Variants in ATP8A2 observed in about 807,000 individuals in gnomAD.
ATP8A2 encodes ATPase phospholipid transporting 8A2.
ATP8A2 carries 100 observed loss-of-function variants against 165.6 expected under a neutral mutation model. That is an observed-to-expected ratio of 0.60 (90% CI 0.51 to 0.71). The LOEUF is 0.71. Among genes scored for constraint, ATP8A2 ranks in the 30% least tolerant of loss-of-function variants. The pLI is 0.00. For synonymous variants in ATP8A2, 543 were observed against 548.8 expected (o/e 0.99, Z 0.15); for missense variants, 1,227 against 1,479.5 (o/e 0.83, Z 2.80).
intron 35 of ATP8A2, among the ~76,000 whole-genome samples, chr13:26,010,975 T>A (rs758254342): frequency 1.3e-5 from 2 of 152,046 alleles, no homozygotes; most frequent in Non-Finnish European, 2.9e-5. Flanking sequence ...AGGGCCCCAC[T>A]CCTCTTTCGA....
At chr13:25,914,544 A>G (rs1384199073) in intron 33 of ATP8A2, among the ~76,000 whole-genome samples, 2 of 152,102 alleles carry the variant, frequency 1.3e-5, no homozygotes, top group Non-Finnish European at 2.9e-5. Flanking sequence ...CTACACATCC[A>G]TCTGTTTCCA....
chr13:25,488,018 TC>T (rs912799836), intron 2 of ATP8A2, among the ~76,000 whole-genome samples: 51 of 152,264 alleles, frequency 3.3e-4, no homozygotes, highest in African/African-American at 1.2e-3. Context: ...GAAACACACT[TC>T]CCTAGAAAGC....
chr13:25,866,727 A>T (rs1480928679), intron 33 of ATP8A2, among the ~76,000 whole-genome samples: 3 of 152,244 alleles, frequency 2.0e-5, no homozygotes, highest in Non-Finnish European at 4.4e-5. Flanking sequence ...TGTGAGCTTC[A>T]GTAAATCTCC....
chr13:25,958,335 C>A (rs7338795), intron 33 of ATP8A2, among the ~76,000 whole-genome samples: 34,007 of 152,016 alleles, frequency 0.22, 3,963 homozygotes, highest in South Asian at 0.41. Context: ...TAGTTTGTCA[C>A]CACATTCGTG....
intron 25 of ATP8A2, among the ~76,000 whole-genome samples, chr13:25,766,480 G>A (rs187783389): frequency 5.9e-5 from 9 of 152,190 alleles, no homozygotes; most frequent in African/African-American, 1.7e-4. Context: ...CCTGTTGAGC[G>A]CTGCACGACT....
At chr13:25,403,122 C>T (rs570374620) in intron 1 of ATP8A2, among the ~76,000 whole-genome samples, 7 of 152,266 alleles carry the variant, frequency 4.6e-5, no homozygotes, top group South Asian at 2.1e-4. Flanking sequence ...CATTTCAATA[C>T]GAACTGTGGA....
chr13:25,870,253 CCT>C (rs1952638300), intron 33 of ATP8A2, among the ~76,000 whole-genome samples: 1 of 152,194 alleles, frequency 6.6e-6, no homozygotes, highest in Non-Finnish European at 1.5e-5. Context: ...CGTCCAGCCA[CCT>C]CTGTGTCTGC....
At chr13:25,870,960 C>T (rs1315003929) in intron 33 of ATP8A2, among the ~76,000 whole-genome samples, 1 of 152,090 alleles carries the variant, frequency 6.6e-6, no homozygotes, top group Admixed American at 6.5e-5. Context: ...TTATTTTTTA[C>T]GTTCATTATA....
chr13:25,931,523 C>G (rs1358733445), intron 33 of ATP8A2, among the ~76,000 whole-genome samples: 1 of 152,116 alleles, frequency 6.6e-6, no homozygotes, highest in Non-Finnish European at 1.5e-5. Flanking sequence ...TCATCCCCCA[C>G]CCCCCTCGAC....
intron 33 of ATP8A2, among the ~76,000 whole-genome samples, chr13:25,906,342 G>T (rs1434398181): frequency 6.9e-6 from 1 of 145,638 alleles, no homozygotes; most frequent in Non-Finnish European, 1.5e-5. Flanking sequence ...CTACAAACTT[G>T]ACCTTTCTGA....
intron 33 of ATP8A2, among the ~76,000 whole-genome samples, chr13:25,870,684 G>T (rs1014557454): frequency 3.3e-5 from 5 of 152,168 alleles, no homozygotes; most frequent in Admixed American, 6.5e-5. Flanking sequence ...GAGTCGGTTG[G>T]ACTCCAAGCT....
At chr13:25,829,476 C>G (rs921135430) in intron 28 of ATP8A2, among the ~76,000 whole-genome samples, 1 of 151,656 alleles carries the variant, frequency 6.6e-6, no homozygotes, top group Non-Finnish European at 1.5e-5. Context: ...CCTCCTGAAA[C>G]TATTTTAAGT....
chr13:25,548,867 A>T (rs1367834240), intron 10 of ATP8A2, among the ~76,000 whole-genome samples: 1 of 152,206 alleles, frequency 6.6e-6, no homozygotes, highest in Non-Finnish European at 1.5e-5. Context: ...GTGGGGAGAT[A>T]GTATTTTTGG....
intron 35 of ATP8A2, among the ~76,000 whole-genome samples, chr13:26,001,948 C>T (rs1956637903): frequency 6.6e-6 from 1 of 152,102 alleles, no homozygotes; most frequent in Non-Finnish European, 1.5e-5. Context: ...TAAAGATTTG[C>T]CCCTGTATTT....
intron 1 of ATP8A2, among the ~76,000 whole-genome samples, chr13:25,417,798 C>G (rs1417114838): frequency 6.6e-6 from 1 of 152,188 alleles, no homozygotes; most frequent in Non-Finnish European, 1.5e-5. Flanking sequence ...GGATGTTCAC[C>G]AAATGTTCAT....
intron 1 of ATP8A2, among the ~76,000 whole-genome samples, chr13:25,375,032 T>C (rs1237870420): frequency 1.3e-5 from 2 of 152,228 alleles, no homozygotes; most frequent in African/African-American, 4.8e-5. Context: ...CATATTCAAT[T>C]GCACTTTGAT....
chr13:25,748,473 A>C (rs2044083537), intron 25 of ATP8A2, among the ~76,000 whole-genome samples: 2 of 152,190 alleles, frequency 1.3e-5, no homozygotes, highest in Admixed American at 1.3e-4. Flanking sequence ...AAAATTTTAT[A>C]AGCATTAATC....
At chr13:25,604,876 C>T (rs1209727984) in intron 24 of ATP8A2, among the ~76,000 whole-genome samples, 3 of 152,232 alleles carry the variant, frequency 2.0e-5, no homozygotes, top group East Asian at 1.9e-4. Flanking sequence ...AGTCCTTGTC[C>T]GTCTTTTGTG....
chr13:25,905,825 C>G (rs1953920939), intron 33 of ATP8A2, among the ~76,000 whole-genome samples: 1 of 152,194 alleles, frequency 6.6e-6, no homozygotes, highest in Non-Finnish European at 1.5e-5. Context: ...CCCATCTCAG[C>G]CCTTCCTCGC....
Sources: gnomAD v4.1 joint callset for allele counts (sites outside exome capture counted in the v4.1 genomes callset) on GRCh38, gnomAD v4.1.1 for gene constraint, MANE v1.5 for transcripts, NCBI Gene and HGNC (gene_info 2026-07-23, HGNC 2026-07-21) for gene names.